ZNF385D: variants seen among roughly 807,000 people sequenced by gnomAD.
ZNF385D encodes the protein zinc finger protein 659.
Under a neutral mutation model 35.8 loss-of-function variants are expected in ZNF385D, and 15 were observed. That is an observed-to-expected ratio of 0.42 (90% CI 0.28 to 0.64). The LOEUF is 0.64. ZNF385D is among the 30% of genes least tolerant of loss of function. The probability of loss-of-function intolerance (pLI) is 0.23; values close to 1 mark genes in which losing one functional copy is unlikely to be tolerated. For synonymous variants in ZNF385D, 212 were observed against 186.8 expected (o/e 1.13, Z -1.10); for missense variants, 474 against 494.6 (o/e 0.96, Z 0.39).
intron 2 of ZNF385D, among the ~76,000 whole-genome samples, chr3:22,274,003 C>A (rs1222289232): frequency 6.6e-6 from 1 of 152,014 alleles, no homozygotes; most frequent in Non-Finnish European, 1.5e-5. Context: ...CATTTGGATA[C>A]TACTCATCAA....
At chr3:21,984,957 GCTCT>G (rs981478923) in intron 3 of ZNF385D, among the ~76,000 whole-genome samples, 3 of 151,150 alleles carry the variant, frequency 2.0e-5, no homozygotes, top group South Asian at 2.1e-4. Context: ...TCATGATTTG[GCTCT>G]CTGTTTGTCT....
intron 2 of ZNF385D, among the ~76,000 whole-genome samples, chr3:22,206,918 T>G (rs550383676): frequency 2.0e-4 from 31 of 151,664 alleles, no homozygotes; most frequent in African/African-American, 7.5e-4. Context: ...AAGATCAGCA[T>G]AGAAATAAAT....
intron 2 of ZNF385D, among the ~76,000 whole-genome samples, chr3:22,287,129 C>T (rs1279014567): frequency 6.6e-6 from 1 of 151,952 alleles, no homozygotes; most frequent in Non-Finnish European, 1.5e-5. Context: ...TATATAATGG[C>T]CTTCTTTTTC....
chr3:22,131,656 T>C (rs970073966), intron 3 of ZNF385D, among the ~76,000 whole-genome samples: 1 of 152,108 alleles, frequency 6.6e-6, no homozygotes, highest in Non-Finnish European at 1.5e-5. Flanking sequence ...CAGATGTTTA[T>C]CCAGAGGTAA....
At chr3:22,326,643 T>C (rs771072622) in intron 2 of ZNF385D, among the ~76,000 whole-genome samples, 39 of 152,118 alleles carry the variant, frequency 2.6e-4, no homozygotes, top group Non-Finnish European at 4.7e-4. Flanking sequence ...TCAAAAAATA[T>C]GACAGGTAAC....
intron 3 of ZNF385D, among the ~76,000 whole-genome samples, chr3:22,127,263 C>G (rs1462472729): frequency 6.7e-6 from 1 of 148,414 alleles, no homozygotes; most frequent in East Asian, 2.0e-4. Context: ...TTCCTTCTGT[C>G]CTATATTCTT....
At chr3:22,297,517 G>A (rs1352871974) in intron 2 of ZNF385D, among the ~76,000 whole-genome samples, 2 of 152,096 alleles carry the variant, frequency 1.3e-5, no homozygotes, top group African/African-American at 4.8e-5. Context: ...AAGGGGGCAT[G>A]GCTGAAGTGG....
At chr3:22,023,908 C>G (rs767702466) in intron 3 of ZNF385D, among the ~76,000 whole-genome samples, 5 of 151,998 alleles carry the variant, frequency 3.3e-5, no homozygotes, top group Non-Finnish European at 5.9e-5. Flanking sequence ...TCATACTGCT[C>G]TAAAGAATAC....
At chr3:22,182,603 C>G (rs918773804) in intron 2 of ZNF385D, among the ~76,000 whole-genome samples, 8 of 151,656 alleles carry the variant, frequency 5.3e-5, no homozygotes. Context: ...TCGAATTTGA[C>G]TTAGAGAGAG....
chr3:21,672,329 A>C (rs944018253), intron 1 of ZNF385D, among the ~76,000 whole-genome samples: 2 of 151,708 alleles, frequency 1.3e-5, no homozygotes, highest in African/African-American at 4.8e-5. Flanking sequence ...GGTTTCAGAA[A>C]GTTGATCCAG....
chr3:22,016,499 G>C (rs914389444), intron 3 of ZNF385D, among the ~76,000 whole-genome samples: 8 of 151,964 alleles, frequency 5.3e-5, no homozygotes, highest in African/African-American at 1.9e-4. Context: ...TTGAGATTAG[G>C]TATGACTATC....
At chr3:22,150,445 G>T (rs1482311676) in intron 3 of ZNF385D, among the ~76,000 whole-genome samples, 3 of 151,726 alleles carry the variant, frequency 2.0e-5, no homozygotes, top group African/African-American at 7.3e-5. Flanking sequence ...CACCCACATG[G>T]ATATAAAAAT....
intron 2 of ZNF385D, among the ~76,000 whole-genome samples, chr3:22,312,140 A>G (rs913350260): frequency 2.0e-5 from 3 of 152,124 alleles, no homozygotes; most frequent in Non-Finnish European, 4.4e-5. Flanking sequence ...TTCATCATGT[A>G]TGGAATTTGA....
intron 2 of ZNF385D, among the ~76,000 whole-genome samples, chr3:22,323,393 G>C (rs1694535803): frequency 6.6e-6 from 1 of 152,134 alleles, no homozygotes; most frequent in South Asian, 2.1e-4. Context: ...ATGAGACTGG[G>C]AATGGAGCAG....
chr3:21,981,666 G>C (rs539581197), intron 3 of ZNF385D, among the ~76,000 whole-genome samples: 2 of 152,234 alleles, frequency 1.3e-5, no homozygotes, highest in East Asian at 1.9e-4. Flanking sequence ...GTATTGCCTA[G>C]ATTGTCTTCT....
intron 3 of ZNF385D, among the ~76,000 whole-genome samples, chr3:22,133,047 G>A (rs1213319428): frequency 1.3e-5 from 2 of 152,004 alleles, no homozygotes; most frequent in African/African-American, 4.8e-5. Context: ...TAAAATTATA[G>A]GTATTTATGA....
intron 3 of ZNF385D, among the ~76,000 whole-genome samples, chr3:21,854,088 A>G (rs1047682813): frequency 3.9e-5 from 6 of 151,960 alleles, no homozygotes; most frequent in African/African-American, 1.4e-4. Context: ...TTAAACTGCA[A>G]TAAAATAAAC....
chr3:21,897,643 C>T (rs1388957478), intron 3 of ZNF385D, among the ~76,000 whole-genome samples: 1 of 151,598 alleles, frequency 6.6e-6, no homozygotes, highest in Admixed American at 6.6e-5. Flanking sequence ...ATTTTTTTTT[C>T]CAGGTAAGCT....
chr3:21,664,439 A>G (rs1474049844), intron 2 of ZNF385D, among the ~76,000 whole-genome samples: 1 of 152,240 alleles, frequency 6.6e-6, no homozygotes, highest in East Asian at 1.9e-4. Context: ...TACTTAAAAC[A>G]TAATCACTGC....
Sources: gnomAD v4.1 joint callset for allele counts (sites outside exome capture counted in the v4.1 genomes callset) on GRCh38, gnomAD v4.1.1 for gene constraint, MANE v1.5 for transcripts, NCBI Gene and HGNC (gene_info 2026-07-23, HGNC 2026-07-21) for gene names.